ROBO1: variants seen among roughly 807,000 people sequenced by gnomAD.
ROBO1 encodes roundabout homolog 1.
In ROBO1, 149 loss-of-function variants were observed where a neutral mutation model predicts 195.9. That is an observed-to-expected ratio of 0.76 (90% confidence interval 0.67 to 0.87). The LOEUF is 0.87. Among genes scored for constraint, ROBO1 ranks in the 40% least tolerant of loss-of-function variants. The pLI, the probability that ROBO1 is intolerant of heterozygous loss-of-function variation, is 0.00. For synonymous variants in ROBO1, 816 were observed against 733.2 expected (o/e 1.11, Z -1.82); for missense variants, 1,933 against 2,068.3 (o/e 0.93, Z 1.27).
At position 79,499,044 on chromosome 3, in the gene ROBO1, G is replaced by C. The variant is rs1273862973; in HGVS notation, c.88+90780C>G. On this transcript the variant is annotated intron_variant, in intron 2 of 30. Coordinates refer to ENST00000464233, the MANE Select transcript of ROBO1 (RefSeq NM_002941.4). ...AATTTTGCTTTTGTCGCCCAGGCTG[G>C]AGTGCAATGGCGAAATCTCAGCTCA... Among the ~76,000 whole-genome samples the C allele has an allele frequency of 4.1e-4, 62 of 151,956 alleles. 1 individual carries two copies. The highest frequency in any genetic ancestry group is 2.9e-5 in the Non-Finnish European group (2 of 67,994).
chr3:79,658,943 GC>G, intron 1 of ROBO1, among the ~76,000 whole-genome samples: 1 of 151,892 alleles, frequency 6.6e-6, no homozygotes, highest in Non-Finnish European at 1.5e-5. Flanking sequence ...CACCATGTTG[GC>G]CAGGCTGGTC....
Position 78,668,522 on chromosome 3 carries a change from C to T in ROBO1, c.1592G>A (p.Ser531Asn). 7 of 1,613,838 alleles carry T rather than the reference C, an allele frequency of 4.3e-6. No individual in the cohort carries two copies. Among genetic ancestry groups the T allele is most frequent in the Non-Finnish European group, 5.9e-6 (7 of 1,179,828 alleles). Residue 531 changes from serine to asparagine, a missense_variant, in exon 12 of 31, where the codon AGT becomes AAT. By Grantham distance (46) the Ser-to-Asn change is conservative (BLOSUM62 1). Coordinates refer to ENST00000464233, the MANE Select transcript of ROBO1 (RefSeq NM_002941.4). Reference sequence around the variant, plus strand: ...GTAAGCACTCCATGTTGCTTCACCACTGGGGGTTGATGCAATGCAGGTGTA... The same window carrying T: ...GTAAGCACTCCATGTTGCTTCACCATTGGGGGTTGATGCAATGCAGGTGTA... The part of the protein sequence containing the change: ...GRYTCIASTP[S>N]GEATWSAYIE...
chr3:78,854,150 T>G (rs921375406), intron 4 of ROBO1, among the ~76,000 whole-genome samples: 1 of 151,762 alleles, frequency 6.6e-6, no homozygotes, highest in East Asian at 1.9e-4. Context: ...CCTGAGTCCT[T>G]AATCTGTGGG....
intron 2 of ROBO1, among the ~76,000 whole-genome samples, chr3:79,559,518 T>G (rs1279419269): frequency 6.6e-6 from 1 of 152,220 alleles, no homozygotes; most frequent in African/African-American, 2.4e-5. Context: ...GTGGAAACAC[T>G]TGTTCTTTCG....
In ROBO1 at chr3:78,647,620, A is replaced by G. The variant is rs1706383845; in HGVS notation, c.2839+9T>C. 1 of 1,610,836 alleles carries G rather than the reference A, an allele frequency of 6.2e-7. No homozygotes were observed. The highest frequency in any genetic ancestry group is 1.7e-5 in the Admixed American group (1 of 59,932). ...AATGGAAAGGAGGAGGGTAAGTGCA[A>G]ATATATACCTGTTGGTGTGAAGGTA... On this transcript the variant is annotated intron_variant, in intron 20 of 30. Coordinates refer to ENST00000464233, the MANE Select transcript of ROBO1 (RefSeq NM_002941.4).
At chr3:79,535,118 C>A (rs1176775743) in intron 2 of ROBO1, among the ~76,000 whole-genome samples, 1 of 152,026 alleles carries the variant, frequency 6.6e-6, no homozygotes, top group Non-Finnish European at 1.5e-5. Context: ...GAAACAGTTA[C>A]AGAAGAATTA....
intron 2 of ROBO1, among the ~76,000 whole-genome samples, chr3:79,220,105 G>A (rs888900909): frequency 6.6e-6 from 1 of 151,928 alleles, no homozygotes; most frequent in African/African-American, 2.4e-5. Context: ...AGAAGGAAAG[G>A]GAATGTATGC....
chr3:79,095,828 A>T (rs1412670653), intron 3 of ROBO1, among the ~76,000 whole-genome samples: 1 of 151,918 alleles, frequency 6.6e-6, no homozygotes, highest in Non-Finnish European at 1.5e-5. Flanking sequence ...ACATTTTTTC[A>T]CTTTATGTGA....
chr3:79,386,792 C>G (rs1559862860), intron 2 of ROBO1, among the ~76,000 whole-genome samples: 1 of 152,074 alleles, frequency 6.6e-6, no homozygotes, highest in African/African-American at 2.4e-5. Context: ...GGATTGTGGG[C>G]TTTATTCCTC....
chr3:79,318,567 T>C (rs1183971819), intron 2 of ROBO1, among the ~76,000 whole-genome samples: 1 of 152,170 alleles, frequency 6.6e-6, no homozygotes, highest in Non-Finnish European at 1.5e-5. Flanking sequence ...AGCTAATTCT[T>C]TGATGAATTG....
At chr3:79,337,438 C>T (rs186295549) in intron 2 of ROBO1, among the ~76,000 whole-genome samples, 22 of 152,202 alleles carry the variant, frequency 1.4e-4, no homozygotes, top group African/African-American at 5.3e-4. Context: ...TTAGGGACTT[C>T]GCTCCTCACT....
intron 3 of ROBO1, among the ~76,000 whole-genome samples, chr3:79,047,479 A>G (rs766912324): frequency 1.9e-4 from 29 of 152,258 alleles, no homozygotes; most frequent in Admixed American, 5.2e-4. Context: ...AGGGCACTAT[A>G]AGGAAAAGGT....
Position 79,529,356 on chromosome 3 carries a change from T to G in ROBO1, c.88+60468A>C, listed in dbSNP as rs773660711. On this transcript the variant is annotated intron_variant, in intron 2 of 30. Coordinates refer to ENST00000464233, the MANE Select transcript of ROBO1 (RefSeq NM_002941.4). ...AAAAAATTAGCTAGGCCTTTAATGG[T>G]GCATCCCAGTAGTCCCAGCTATTGG... Among the ~76,000 whole-genome samples the G allele has an allele frequency of 1.2e-4, 19 of 152,192 alleles. 1 individual carries two copies. The Middle Eastern group carries it at 0.01, about 82-fold the overall frequency.
chr3:78,879,435 A>G lies in ROBO1; in HGVS notation c.499+59166T>C, dbSNP rs148343637. Among the ~76,000 whole-genome samples the G allele has an allele frequency of 2.9e-3, 438 of 152,218 alleles. 3 individuals carry two copies. Among genetic ancestry groups the G allele is most frequent in the Non-Finnish European group, 3.6e-3 (243 of 68,002 alleles). On this transcript the variant is annotated intron_variant, in intron 4 of 30. Coordinates refer to ENST00000464233, the MANE Select transcript of ROBO1 (RefSeq NM_002941.4). ...TATTTCCACTCATGGCTTGACCTATATACGAGGTTAGGCAAATATAAGCAA... is the reference window on the plus strand; with the variant it reads ...TATTTCCACTCATGGCTTGACCTATGTACGAGGTTAGGCAAATATAAGCAA...
intron 2 of ROBO1, among the ~76,000 whole-genome samples, chr3:79,425,157 T>C (rs563423195): frequency 6.6e-6 from 1 of 152,280 alleles, no homozygotes; most frequent in East Asian, 1.9e-4. Context: ...TTTTTTTCTA[T>C]TTCCATTATA....
chr3:79,552,966 A>G (rs1190543824), intron 2 of ROBO1, among the ~76,000 whole-genome samples: 1 of 152,108 alleles, frequency 6.6e-6, no homozygotes. Context: ...TGGCTCATGT[A>G]AACAAATGGA....
intron 2 of ROBO1, among the ~76,000 whole-genome samples, chr3:79,308,315 G>A (rs570175859): frequency 1.3e-5 from 2 of 152,134 alleles, no homozygotes; most frequent in African/African-American, 2.4e-5. Context: ...TTAAAAATAC[G>A]TAGGGACTTC....
chr3:79,616,869 T>C (rs1275465404), intron 1 of ROBO1, among the ~76,000 whole-genome samples: 6 of 152,080 alleles, frequency 3.9e-5, no homozygotes, highest in African/African-American at 1.4e-4. Context: ...CATGTCCCAC[T>C]CCATATGTGG....
chr3:79,209,917 T>C (rs1401508556), intron 2 of ROBO1, among the ~76,000 whole-genome samples: 1 of 152,000 alleles, frequency 6.6e-6, no homozygotes, highest in Non-Finnish European at 1.5e-5. Flanking sequence ...ATTATCAAAT[T>C]AAGAATTCAA....
Sources: allele counts gnomAD v4.1 joint callset (sites outside exome capture counted in the v4.1 genomes callset), GRCh38; gene constraint gnomAD v4.1.1; transcripts MANE v1.5; gene names NCBI Gene and HGNC (gene_info 2026-07-23, HGNC 2026-07-21).